The following DNAI3 variants were observed in gnomAD, a reference collection of about 807,000 sequenced individuals.
DNAI3 encodes dynein axonemal intermediate chain 3.
In DNAI3, 83 loss-of-function variants were observed where a neutral mutation model predicts 115.5. That is an observed-to-expected ratio of 0.72 (90% CI 0.60 to 0.86). The LOEUF (loss-of-function observed/expected upper bound fraction) is 0.86, where lower values mean the gene tolerates loss of function less well. Among genes scored for constraint, DNAI3 ranks in the 40% least tolerant of loss-of-function variants. The probability of loss-of-function intolerance (pLI) is 0.00; values close to 1 mark genes in which losing one functional copy is unlikely to be tolerated. For missense variants in DNAI3, 1,004 were observed against 1,075.8 expected, an observed-to-expected ratio of 0.93 and a Z score of 0.93; for synonymous variants, 320 against 347.0, an observed-to-expected ratio of 0.92 and a Z score of 0.86.
Position 85,121,870 on chromosome 1 carries a change from C to T in DNAI3, c.1981+56C>T, listed in dbSNP as rs999273451. The T allele has an allele frequency of 3.4e-5, 54 of 1,572,648 alleles. 1 individual carries two copies. In the African/African-American group the frequency reaches 7.3e-4, roughly 21 times the overall value. ...AGATGTTCCTTTTAATTTAAACTACCCAAAGGAATCTCATGCAGTACAGAG... is the reference window on the plus strand; with the variant it reads ...AGATGTTCCTTTTAATTTAAACTACTCAAAGGAATCTCATGCAGTACAGAG... On this transcript the variant is annotated intron_variant, in intron 18 of 22. Transcript: ENST00000294664.
At chr1:85,092,228 T>C (rs1051553208) in intron 8 of DNAI3, among the ~76,000 whole-genome samples, 1 of 152,036 alleles carries the variant, frequency 6.6e-6, no homozygotes, top group Non-Finnish European at 1.5e-5. Context: ...AGGAAAGGGG[T>C]CTATTTTGAA....
chr1:85,073,781 G>A (rs1654363524), intron 3 of DNAI3, among the ~76,000 whole-genome samples: 1 of 152,226 alleles, frequency 6.6e-6, no homozygotes, highest in Non-Finnish European at 1.5e-5. Context: ...TAAAGGGTCA[G>A]GTCATCCTGG....
chr1:85,095,205 AAG>A (rs1655089299), intron 10 of DNAI3, among the ~76,000 whole-genome samples: 1 of 152,182 alleles, frequency 6.6e-6, no homozygotes, highest in South Asian at 2.1e-4. Flanking sequence ...TCTGCTCAAT[AAG>A]AGATCTGCCT....
intron 18 of DNAI3, among the ~76,000 whole-genome samples, chr1:85,123,451 G>A (rs1656043825): frequency 6.6e-6 from 1 of 152,084 alleles, no homozygotes; most frequent in Non-Finnish European, 1.5e-5. Flanking sequence ...ATTGCTGTCG[G>A]GGGTGCCTTC....
At chr1:85,126,446 T>A in intron 19 of DNAI3, 65 bp from the exon 20 acceptor site, 1 of 1,500,078 alleles carries the variant, frequency 6.7e-7, no homozygotes, top group Non-Finnish European at 9.0e-7. Flanking sequence ...ATGAACAGCA[T>A]GGTGAATTTC....
chr1:85,130,706 TAGATAGA>T (rs1305666408), intron 22 of DNAI3, among the ~76,000 whole-genome samples: 46 of 112,902 alleles, frequency 4.1e-4, no homozygotes, highest in African/African-American at 1.4e-3. Flanking sequence ...GATAGATAGA[TAGATAGA>T]TAGATAAATA....
At position 85,133,077 on chromosome 1, in the gene DNAI3, T is replaced by C. The variant is rs1656390939; in HGVS notation, c.*79T>C. 4 of 1,229,234 alleles carry C rather than the reference T, an allele frequency of 3.3e-6. No individual in the cohort carries two copies. The highest frequency in any genetic ancestry group is 4.4e-6 in the Non-Finnish European group (4 of 906,724). The allele number at this position is 1,229,234 out of a possible 1,614,324, so 76.1% of individuals were successfully genotyped here. On this transcript the variant is annotated 3_prime_UTR_variant, in exon 23 of 23. Coordinates refer to ENST00000294664, the MANE Select transcript of DNAI3 (RefSeq NM_145172.5). Reference sequence around the variant, plus strand: ...GTCAGGTGAACTGGCATGCTGAACATATATATATATAGGCTCATTTATAGA... The same window carrying C: ...GTCAGGTGAACTGGCATGCTGAACACATATATATATAGGCTCATTTATAGA...
intron 1 of DNAI3, among the ~76,000 whole-genome samples, chr1:85,071,270 T>G (rs1436244715): frequency 6.6e-6 from 1 of 152,204 alleles, no homozygotes; most frequent in African/African-American, 2.4e-5. Context: ...CCTAACCATT[T>G]AAACAGAATG....
chr1:85,111,658 T>C (rs1469200818), intron 16 of DNAI3, among the ~76,000 whole-genome samples: 1 of 152,200 alleles, frequency 6.6e-6, no homozygotes, highest in African/African-American at 2.4e-5. Context: ...TTAAATGTCC[T>C]AGTATTATTT....
At chr1:85,084,250 G>GTATATA (rs33956396) in intron 5 of DNAI3, among the ~76,000 whole-genome samples, 890 of 84,976 alleles carry the variant, frequency 0.01, 8 homozygotes, top group African/African-American at 0.028. Flanking sequence ...TCAGCAGTGT[G>GTATATA]TATATATATA....
intron 1 of DNAI3, among the ~76,000 whole-genome samples, chr1:85,065,442 G>A (rs1654069940): frequency 6.6e-6 from 1 of 152,128 alleles, no homozygotes; most frequent in South Asian, 2.1e-4. Flanking sequence ...GTTTTTAAAG[G>A]AAAAATGAGG....
intron 3 of DNAI3, among the ~76,000 whole-genome samples, chr1:85,078,210 C>A (rs536603637): frequency 1.3e-5 from 2 of 152,116 alleles, no homozygotes; most frequent in African/African-American, 2.4e-5. Context: ...GGTTTTGATC[C>A]CAGTACCACC....
intron 14 of DNAI3, among the ~76,000 whole-genome samples, chr1:85,106,168 A>G (rs940363973): frequency 6.6e-5 from 10 of 151,978 alleles, no homozygotes; most frequent in South Asian, 6.2e-4. Context: ...ATTATATCCA[A>G]CTCTGTGTAT....
intron 16 of DNAI3, among the ~76,000 whole-genome samples, chr1:85,112,107 A>AG (rs1420987468): frequency 6.6e-6 from 1 of 151,678 alleles, no homozygotes; most frequent in African/African-American, 2.4e-5. Flanking sequence ...GCTGGCATGG[A>AG]GGGGCATGAT....
chr1:85,092,046 A>G (rs1257612159), intron 8 of DNAI3, among the ~76,000 whole-genome samples: 6 of 152,298 alleles, frequency 3.9e-5, no homozygotes, highest in African/African-American at 1.4e-4. Flanking sequence ...AAGCCTCGAG[A>G]GTCCGCTACA....
chr1:85,111,751 A>G (rs768423126), intron 16 of DNAI3, among the ~76,000 whole-genome samples: 2 of 152,194 alleles, frequency 1.3e-5, no homozygotes, highest in Admixed American at 1.3e-4. Flanking sequence ...TCTCTTTTAA[A>G]GTGTGAGGGG....
At chr1:85,117,705 C>T in intron 16 of DNAI3, 24 bp from the exon 17 acceptor site, 1 of 1,608,908 alleles carries the variant, frequency 6.2e-7, no homozygotes, top group South Asian at 1.1e-5. Context: ...ATATGTACTT[C>T]TTCTACCCAC....
At chr1:85,080,305 G>A (rs1654601909) in intron 3 of DNAI3, among the ~76,000 whole-genome samples, 1 of 152,054 alleles carries the variant, frequency 6.6e-6, no homozygotes, top group Non-Finnish European at 1.5e-5. Context: ...CCTGCCTCGA[G>A]CAGGTGTCAG....
intron 7 of DNAI3, among the ~76,000 whole-genome samples, chr1:85,086,806 G>A (rs1387357118): frequency 2.0e-5 from 3 of 151,770 alleles, no homozygotes; most frequent in African/African-American, 4.8e-5. Flanking sequence ...TTTCTCTCCT[G>A]CATTCAGTTC....
Sources: gnomAD v4.1 joint callset for allele counts (sites outside exome capture counted in the v4.1 genomes callset) on GRCh38, gnomAD v4.1.1 for gene constraint, MANE v1.5 for transcripts, NCBI Gene and HGNC (gene_info 2026-07-23, HGNC 2026-07-21) for gene names.